The following FSTL5 variants were observed in gnomAD, a reference collection of about 807,000 sequenced individuals.
FSTL5 encodes the protein follistatin-related protein 5.
In FSTL5, 62 loss-of-function variants were observed where a neutral mutation model predicts 89.1. That is an observed-to-expected ratio of 0.70 (90% confidence interval 0.57 to 0.86). FSTL5 has a LOEUF of 0.86. Among genes scored for constraint, FSTL5 ranks in the 40% least tolerant of loss-of-function variants. The pLI is 0.00. For synonymous variants in FSTL5, 383 were observed against 346.2 expected (o/e 1.11, Z -1.18); for missense variants, 1,057 against 1,001.6 (o/e 1.06, Z -0.75).
chr4:161,596,020 G>T (rs913768746), intron 7 of FSTL5, among the ~76,000 whole-genome samples: 1 of 151,804 alleles, frequency 6.6e-6, no homozygotes, highest in East Asian at 1.9e-4. Flanking sequence ...TAGTGTAAAA[G>T]CTATTTTCCT....
chr4:162,153,690 A>ATGT (rs1733331971), intron 1 of FSTL5, among the ~76,000 whole-genome samples: 11 of 96,158 alleles, frequency 1.1e-4, no homozygotes, highest in South Asian at 3.0e-4. Flanking sequence ...TGTATATAAT[A>ATGT]ATATATATGT....
chr4:161,516,756 CACA>C (rs1293382545), intron 10 of FSTL5, among the ~76,000 whole-genome samples: 24 of 134,428 alleles, frequency 1.8e-4, no homozygotes, highest in African/African-American at 5.0e-4. Flanking sequence ...CACACACACA[CACA>C]ATTTTTTTTT....
chr4:161,386,230 A>G lies in FSTL5; in HGVS notation c.2061T>C (p.Ile687=), dbSNP rs776567775. The G allele has an allele frequency of 1.9e-6, 3 of 1,613,864 alleles. No individual in the cohort carries two copies. The highest frequency in any genetic ancestry group is 2.5e-6 in the Non-Finnish European group (3 of 1,179,970). Residue 687 remains isoleucine (I), a synonymous_variant, in exon 16 of 16, where the codon ATT becomes ATC. Coordinates refer to ENST00000306100, the MANE Select transcript of FSTL5 (RefSeq NM_020116.5). ...TGCCCGTCACATCACTATTGAACCC[A>G]ATGACTGAGTCAGTTACACCGTCCA... The part of the protein sequence containing the change: ...VMVDGVTDSV[I]GFNSDVTGTP...
intron 2 of FSTL5, among the ~76,000 whole-genome samples, chr4:162,091,034 T>C (rs761426119): frequency 1.3e-5 from 2 of 152,190 alleles, no homozygotes; most frequent in African/African-American, 4.8e-5. Context: ...GTTAAATACA[T>C]TTAATCACTG....
chr4:161,598,341 C>T (rs1331051934), intron 7 of FSTL5, among the ~76,000 whole-genome samples: 6 of 151,764 alleles, frequency 4.0e-5, no homozygotes, highest in Non-Finnish European at 8.8e-5. Context: ...CTCCACTGCA[C>T]TCCAGCCTCA....
intron 2 of FSTL5, among the ~76,000 whole-genome samples, chr4:162,057,142 C>T (rs1738569775): frequency 6.6e-6 from 1 of 152,182 alleles, no homozygotes; most frequent in Admixed American, 6.5e-5. Context: ...CGATTAGCAC[C>T]GTGGCTGAAA....
At chr4:161,865,068 A>G (rs1560888680) in intron 4 of FSTL5, among the ~76,000 whole-genome samples, 1 of 152,126 alleles carries the variant, frequency 6.6e-6, no homozygotes, top group Non-Finnish European at 1.5e-5. Flanking sequence ...AAACCTATGC[A>G]TTTATATAAA....
intron 7 of FSTL5, among the ~76,000 whole-genome samples, chr4:161,598,283 G>A (rs1359323596): frequency 1.3e-5 from 2 of 152,066 alleles, no homozygotes; most frequent in Non-Finnish European, 2.9e-5. Context: ...GCTGAGACAG[G>A]AGAATAGCTT....
At chr4:162,147,588 G>A (rs960887109) in intron 1 of FSTL5, among the ~76,000 whole-genome samples, 1 of 152,012 alleles carries the variant, frequency 6.6e-6, no homozygotes, top group Admixed American at 6.5e-5. Flanking sequence ...TCACATTTTT[G>A]TGTACTCTGT....
chr4:161,693,036 A>G (rs1417081092), intron 6 of FSTL5, among the ~76,000 whole-genome samples: 2 of 152,048 alleles, frequency 1.3e-5, no homozygotes, highest in African/African-American at 4.8e-5. Context: ...GTATCTTAAT[A>G]TTAGACATCT....
intron 3 of FSTL5, among the ~76,000 whole-genome samples, chr4:162,031,662 G>A (rs1720122251): frequency 6.6e-6 from 1 of 152,140 alleles, no homozygotes; most frequent in Non-Finnish European, 1.5e-5. Flanking sequence ...CTAGGGCCGG[G>A]CGCGGTGGCT....
chr4:161,505,804 A>G, intron 11 of FSTL5, among the ~76,000 whole-genome samples: 1 of 151,840 alleles, frequency 6.6e-6, no homozygotes, highest in East Asian at 1.9e-4. Context: ...GCAAGATCAA[A>G]TTTTTGATGA....
intron 8 of FSTL5, among the ~76,000 whole-genome samples, chr4:161,568,724 A>G (rs988394228): frequency 1.3e-5 from 2 of 152,210 alleles, no homozygotes; most frequent in Non-Finnish European, 2.9e-5. Context: ...ATGTATCAGT[A>G]AATGGCTTTT....
At chr4:161,594,084 G>T (rs892823981) in intron 7 of FSTL5, among the ~76,000 whole-genome samples, 2 of 151,788 alleles carry the variant, frequency 1.3e-5, no homozygotes, top group Non-Finnish European at 2.9e-5. Flanking sequence ...AAGATTTTGA[G>T]CAAAAAAAAT....
intron 2 of FSTL5, among the ~76,000 whole-genome samples, chr4:162,104,512 G>C (rs2111391727): frequency 6.6e-6 from 1 of 152,264 alleles, no homozygotes. Flanking sequence ...TTTTTCTCTG[G>C]AGCAAAGAAC....
intron 2 of FSTL5, among the ~76,000 whole-genome samples, chr4:162,048,219 G>A (rs6823393): frequency 0.98 from 149,009 of 152,040 alleles, 73,097 homozygotes; most frequent in East Asian, 1. Flanking sequence ...CTCAGCTACT[G>A]GGGAGGCTGA....
intron 7 of FSTL5, among the ~76,000 whole-genome samples, chr4:161,638,765 A>C (rs1198470389): frequency 2.3e-5 from 3 of 132,908 alleles, no homozygotes; most frequent in South Asian, 5.4e-4. Context: ...TACTGGCAAA[A>C]CGAATCCAGC....
chr4:161,889,340 AG>A (rs1732914277), intron 4 of FSTL5, among the ~76,000 whole-genome samples: 2 of 152,148 alleles, frequency 1.3e-5, no homozygotes, highest in South Asian at 4.1e-4. Flanking sequence ...ATCCTTGAAC[AG>A]CTTGTAAATG....
chr4:162,077,479 T>G (rs1729898535), intron 2 of FSTL5, among the ~76,000 whole-genome samples: 1 of 151,888 alleles, frequency 6.6e-6, no homozygotes, highest in South Asian at 2.1e-4. Flanking sequence ...TATCTTACAA[T>G]CATATGCTGA....
Sources: allele counts gnomAD v4.1 joint callset (sites outside exome capture counted in the v4.1 genomes callset), GRCh38; gene constraint gnomAD v4.1.1; transcripts MANE v1.5; gene names NCBI Gene and HGNC (gene_info 2026-07-23, HGNC 2026-07-21).